MYO1E: variants seen among roughly 807,000 people sequenced by gnomAD.
MYO1E encodes the protein myosin IE.
MYO1E carries 68 observed loss-of-function variants against 151.1 expected under a neutral mutation model. That is an observed-to-expected ratio of 0.45 (90% CI 0.37 to 0.55). The LOEUF is 0.55. Ranked by LOEUF, MYO1E falls within the 20% of genes least tolerant of loss-of-function variation. MYO1E has a pLI of 0.00. For missense variants in MYO1E, 1,363 were observed against 1,389.3 expected (o/e 0.98, Z 0.30); for synonymous variants, 601 against 501.7 (o/e 1.20, Z -2.64).
At chr15:59,151,931 G>A (rs540369293) in intron 26 of MYO1E, among the ~76,000 whole-genome samples, 1 of 151,168 alleles carries the variant, frequency 6.6e-6, no homozygotes, top group African/African-American at 2.5e-5. Context: ...AGCCGGGCAT[G>A]GTGGCAGGCG....
At chr15:59,167,974 C>T (rs1476070139) in intron 22 of MYO1E, among the ~76,000 whole-genome samples, 5 of 152,214 alleles carry the variant, frequency 3.3e-5, no homozygotes, top group Non-Finnish European at 7.4e-5. Flanking sequence ...CCACCACACC[C>T]AGCCTAATTT....
intron 27 of MYO1E, among the ~76,000 whole-genome samples, chr15:59,137,741 G>A (rs56375269): frequency 2.6e-5 from 4 of 152,054 alleles, no homozygotes; most frequent in Non-Finnish European, 2.9e-5. Flanking sequence ...GGGTGGGACA[G>A]ACCTCCCCGT....
intron 1 of MYO1E, among the ~76,000 whole-genome samples, chr15:59,361,692 C>T (rs1191419255): frequency 6.6e-6 from 1 of 152,128 alleles, no homozygotes; most frequent in Non-Finnish European, 1.5e-5. Context: ...AATAATATCT[C>T]ATCATATTTG....
chr15:59,196,425 G>C (rs192775716), intron 16 of MYO1E, among the ~76,000 whole-genome samples: 1 of 152,156 alleles, frequency 6.6e-6, no homozygotes, highest in Non-Finnish European at 1.5e-5. Context: ...AGCACACCCT[G>C]TGGGTCCAAG....
intron 26 of MYO1E, among the ~76,000 whole-genome samples, chr15:59,138,869 T>C (rs1239810653): frequency 1.3e-5 from 2 of 152,236 alleles, no homozygotes; most frequent in East Asian, 3.9e-4. Flanking sequence ...TAGCCAATAT[T>C]TGTGGTCCGA....
chr15:59,319,780 G>A (rs932000849), intron 1 of MYO1E, among the ~76,000 whole-genome samples: 2 of 151,954 alleles, frequency 1.3e-5, no homozygotes, highest in Non-Finnish European at 2.9e-5. Context: ...GCATATGCCT[G>A]TAATCCCAGC....
intron 1 of MYO1E, among the ~76,000 whole-genome samples, chr15:59,346,175 G>A (rs1239758217): frequency 6.6e-6 from 1 of 151,950 alleles, no homozygotes; most frequent in Non-Finnish European, 1.5e-5. Flanking sequence ...TCTTCCACTT[G>A]TGCTTTCTTG....
intron 1 of MYO1E, among the ~76,000 whole-genome samples, chr15:59,312,639 G>A (rs139694649): frequency 0.023 from 3,467 of 152,112 alleles, 59 homozygotes; most frequent in Non-Finnish European, 0.031. Flanking sequence ...GCTGGGATTA[G>A]GCGAGAACAC....
At chr15:59,216,628 G>T (rs2079916796) in intron 10 of MYO1E, among the ~76,000 whole-genome samples, 1 of 57,236 alleles carries the variant, frequency 1.7e-5, no homozygotes, top group Non-Finnish European at 4.0e-5. Flanking sequence ...CTATCTTTTG[G>T]ATCGAAGGGC....
chr15:59,302,478 T>C (rs1358777709), intron 1 of MYO1E, among the ~76,000 whole-genome samples: 1 of 152,200 alleles, frequency 6.6e-6, no homozygotes, highest in Non-Finnish European at 1.5e-5. Flanking sequence ...TAGTCTCACT[T>C]TCCTCATCCA....
intron 1 of MYO1E, among the ~76,000 whole-genome samples, chr15:59,365,853 A>G (rs975192957): frequency 6.6e-6 from 1 of 152,228 alleles, no homozygotes; most frequent in Non-Finnish European, 1.5e-5. Flanking sequence ...TTTGAGGCAC[A>G]ATGTAACTTC....
At position 59,158,152 on chromosome 15, in the gene MYO1E, A is replaced by T. The variant is rs2079518970; in HGVS notation, c.2878+135T>A. 1.3e-5 allele frequency: 10 copies of T among 799,050 alleles called. No homozygotes were observed. The East Asian group carries it at 2.7e-4, about 21-fold the overall frequency. The allele number at this position is 799,050 out of a possible 1,614,324, so 49.5% of individuals were successfully genotyped here. A position where few individuals can be genotyped will look rare whatever the true frequency, so the allele number is the denominator to read the frequency against. On this transcript the variant is annotated intron_variant, in intron 25 of 27. Transcript: ENST00000288235. ...GTCTCAAGTAGGGCTGCTGTGTTGT[A>T]CATGTGGCACTGAAATGGTCCATGC...
chr15:59,321,042 T>G (rs1808230695), intron 1 of MYO1E, among the ~76,000 whole-genome samples: 1 of 152,088 alleles, frequency 6.6e-6, no homozygotes, highest in African/African-American at 2.4e-5. Context: ...GAACAGATAC[T>G]TCTCCAAACA....
intron 26 of MYO1E, among the ~76,000 whole-genome samples, chr15:59,144,199 C>G (rs1175091171): frequency 1.3e-5 from 2 of 151,934 alleles, no homozygotes; most frequent in African/African-American, 4.8e-5. Context: ...CTGAGTCTCA[C>G]TCTATGACGC....
Position 59,195,516 on chromosome 15 carries a change from T to C in MYO1E, c.1750A>G (p.Ile584Val), listed in dbSNP as rs373643814. 13 of 1,614,064 alleles carry C rather than the reference T, an allele frequency of 8.1e-6. No homozygotes were observed. Among genetic ancestry groups the C allele is most frequent in the East Asian group, 2.2e-5 (1 of 44,906 alleles). The change falls in exon 17 of 28, where the codon ATT becomes GTT. Residue 584 changes from isoleucine to valine, a missense_variant. Ile to Val is a conservative substitution (Grantham distance 29). Transcript: ENST00000288235. ...STLMKCTPHY[I>V]RCIKPNETKK... ...GTTTCGTTTGGCTTGATGCAGCGAA[T>C]GTAGTGGGGCGTACATTTCATCAGG...
chr15:59,207,309 G>A, intron 14 of MYO1E: 1 of 1,614,134 alleles, frequency 6.2e-7, no homozygotes, highest in South Asian at 1.1e-5. Flanking sequence ...TCACGAAAAT[G>A]CCAAATATTG....
chr15:59,193,196 C>G (rs745834602), intron 17 of MYO1E, among the ~76,000 whole-genome samples: 3 of 152,170 alleles, frequency 2.0e-5, no homozygotes, highest in Admixed American at 2.0e-4. Context: ...ATCAGAAACT[C>G]GGGATGGAGC....
chr15:59,243,960 T>C (rs1221771645), intron 4 of MYO1E, among the ~76,000 whole-genome samples: 2 of 150,568 alleles, frequency 1.3e-5, no homozygotes, highest in Non-Finnish European at 2.9e-5. Context: ...ATCTGGGAGG[T>C]TCCAGGGTCA....
intron 14 of MYO1E, chr15:59,208,344 G>C (rs61438122): frequency 0.053 from 29,075 of 552,978 alleles, 936 homozygotes; most frequent in African/African-American, 0.081. Context: ...TTGGCATTTG[G>C]TTCCCAAAAA....
Sources: gnomAD v4.1 joint callset for allele counts (sites outside exome capture counted in the v4.1 genomes callset) on GRCh38, gnomAD v4.1.1 for gene constraint, MANE v1.5 for transcripts, NCBI Gene and HGNC (gene_info 2026-07-23, HGNC 2026-07-21) for gene names.